FAM20A: variants seen among roughly 807,000 people sequenced by gnomAD.
The protein encoded by FAM20A is pseudokinase FAM20A.
A neutral mutation model predicts 52.0 loss-of-function variants in FAM20A; 42 were observed. That is an observed-to-expected ratio of 0.81 (90% confidence interval 0.63 to 1.04). The LOEUF is 1.04. FAM20A is among the 50% of genes least tolerant of loss of function. The pLI is 0.00. For missense variants in FAM20A, 742 were observed against 712.7 expected (o/e 1.04, Z -0.47); for synonymous variants, 304 against 298.9 (o/e 1.02, Z -0.18).
intron 4 of FAM20A, among the ~76,000 whole-genome samples, chr17:68,547,678 G>A (rs1382811433): frequency 6.6e-6 from 1 of 152,210 alleles, no homozygotes; most frequent in Non-Finnish European, 1.5e-5. Flanking sequence ...TTAGAACCCT[G>A]CTCTGGATTA....
rs759103163 is a variant in FAM20A, at chr17:68,600,501, C to T, written c.166G>A (p.Asp56Asn). The change falls in exon 1 of 11, where the codon GAC becomes AAC. Residue 56 changes from aspartate (D) to asparagine (N), a missense_variant. Coordinates refer to ENST00000592554, the MANE Select transcript of FAM20A (RefSeq NM_017565.4). The surrounding 1 kb of genome is among the most constrained non-coding windows in gnomAD (Gnocchi z 6.2). ...GGGTCCGAGGCAGCTGCGGCCGAGT[C>T]CCGCGCCAGGGAGGAGGCGCGGCCG... is the stretch of plus-strand genomic sequence containing the variant. ...CTGRASSLAR[D>N]SAAAASDPGT... is the part of the protein sequence containing the mutation. 11 of 1,591,094 alleles carry T rather than the reference C, an allele frequency of 6.9e-6. No homozygotes were observed. The highest frequency in any genetic ancestry group is 9.4e-6 in the Non-Finnish European group (11 of 1,169,192).
At chr17:68,581,356 TTCTTTC>T (rs1220933258) in intron 1 of FAM20A, among the ~76,000 whole-genome samples, 94 of 112,904 alleles carry the variant, frequency 8.3e-4, no homozygotes, top group Non-Finnish European at 1.4e-3. Context: ...CAGTTTTTCT[TTCTTTC>T]TTTCTTTCTT....
intron 4 of FAM20A, 95 bp from the exon 5 acceptor site, chr17:68,543,816 G>A (rs757743891): frequency 1.5e-5 from 16 of 1,094,098 alleles, no homozygotes; most frequent in South Asian, 1.2e-4. Context: ...AAGGAAAACG[G>A]GCTTTTATGC....
chr17:68,548,969 T>C lies in FAM20A; in HGVS notation c.719+2904A>G, dbSNP rs1009732220. 2.6e-5 allele frequency among the ~76,000 whole-genome samples: 4 copies of C among 151,866 alleles called. No homozygotes were observed. The East Asian group carries it at 7.9e-4, about 30-fold the overall frequency. ...GGATGGTCTTGATCTCCTGACCTCG[T>C]GATCTGCCCGCCTCAGCCTCCCAAA... On this transcript the variant is annotated intron_variant, in intron 4 of 10. Coordinates refer to ENST00000592554, the MANE Select transcript of FAM20A (RefSeq NM_017565.4).
At position 68,542,154 on chromosome 17, in the gene FAM20A, A is replaced by G. The variant is rs1364159236; in HGVS notation, c.940T>C (p.Cys314Arg). The G allele has an allele frequency of 6.2e-7, 1 of 1,613,836 alleles. No individual in the cohort carries two copies. ...VFFVSPASNV[C>R]FFAKCPYMCK... is the part of the protein sequence containing the mutation. ...ATGTATGGACACTTGGCGAAGAAGC[A>G]CACGTTGCTCGCTGGAGGATGGGGA... Residue 314 changes from cysteine (C) to arginine (R), a missense_variant, in exon 7 of 11, where the codon TGC becomes CGC. Transcript: ENST00000592554.
intron 1 of FAM20A, chr17:68,558,276 C>A: frequency 2.5e-6 from 1 of 397,396 alleles, no homozygotes. Context: ...AAAATGCAGC[C>A]AACCAACACC....
chr17:68,546,118 G>A (rs1425137749), intron 4 of FAM20A, among the ~76,000 whole-genome samples: 1 of 141,916 alleles, frequency 7.0e-6, no homozygotes, highest in Non-Finnish European at 1.5e-5. Flanking sequence ...GCAGTGAGCC[G>A]AGATTGTGCC....
chr17:68,595,526 C>G (rs887901983), intron 1 of FAM20A, among the ~76,000 whole-genome samples: 1 of 152,182 alleles, frequency 6.6e-6, no homozygotes, highest in East Asian at 1.9e-4. Context: ...CAGCAAGGCT[C>G]TAATTGGGAG....
chr17:68,543,745 C>T, intron 4 of FAM20A, 24 bp from the exon 5 acceptor site: 1 of 1,597,532 alleles, frequency 6.3e-7, no homozygotes, highest in Non-Finnish European at 8.6e-7. Context: ...AGGAATCACG[C>T]CCTGGACTCA....
At chr17:68,541,115 G>A (rs1023954149) in intron 7 of FAM20A, 157 bp from the exon 8 acceptor site, 24 of 1,031,612 alleles carry the variant, frequency 2.3e-5, no homozygotes, top group African/African-American at 1.1e-4. Context: ...GGGCAAGGAC[G>A]CGTAAGGCTG....
chr17:68,538,369 G>A (rs72847801), intron 10 of FAM20A, among the ~76,000 whole-genome samples: 22,348 of 152,252 alleles, frequency 0.15, 1,699 homozygotes, highest in South Asian at 0.2. Context: ...AGGGAAGCAT[G>A]TTTAAATTAA....
At chr17:68,539,310 CG>C in intron 10 of FAM20A, 26 bp downstream of exon 10, 1 of 1,613,058 alleles carries the variant, frequency 6.2e-7, no homozygotes, top group Non-Finnish European at 8.5e-7. Flanking sequence ...GTTACTTGCC[CG>C]TATTATCTGC....
chr17:68,554,859 CCA>C, intron 2 of FAM20A, 32 bp from the exon 3 acceptor site: 7 of 1,611,694 alleles, frequency 4.3e-6, no homozygotes, highest in Non-Finnish European at 5.9e-6. Flanking sequence ...ATGAGAACTT[CCA>C]GTCTTGTTCC....
At chr17:68,566,853 C>T (rs944156319) in intron 1 of FAM20A, among the ~76,000 whole-genome samples, 16 of 152,252 alleles carry the variant, frequency 1.1e-4, no homozygotes, top group South Asian at 6.2e-4. Context: ...TGAAAATAAA[C>T]GGTCAACATG....
At chr17:68,538,596 C>G (rs1047920502) in intron 10 of FAM20A, among the ~76,000 whole-genome samples, 1 of 152,330 alleles carries the variant, frequency 6.6e-6, no homozygotes, top group South Asian at 2.1e-4. Flanking sequence ...CAAGGGCCTT[C>G]GTGCCTTCTT....
At chr17:68,563,583 T>C (rs1228109026) in intron 1 of FAM20A, among the ~76,000 whole-genome samples, 1 of 151,798 alleles carries the variant, frequency 6.6e-6, no homozygotes, top group East Asian at 1.9e-4. Context: ...GGCTTTTTTT[T>C]TTCTTAAACA....
chr17:68,591,523 G>A (rs769965950), intron 1 of FAM20A, among the ~76,000 whole-genome samples: 1 of 152,192 alleles, frequency 6.6e-6, no homozygotes, highest in Non-Finnish European at 1.5e-5. Flanking sequence ...ACATGAAACC[G>A]CAGAATCCTG....
intron 4 of FAM20A, among the ~76,000 whole-genome samples, chr17:68,550,528 G>A (rs1277349453): frequency 1.3e-5 from 2 of 151,778 alleles, no homozygotes; most frequent in Non-Finnish European, 2.9e-5. Flanking sequence ...CTGCATACAC[G>A]CACCACCATA....
At chr17:68,581,353 T>TCTTTCTTTCTTA (rs1491507055) in intron 1 of FAM20A, among the ~76,000 whole-genome samples, 8 of 85,046 alleles carry the variant, frequency 9.4e-5, no homozygotes, top group African/African-American at 3.1e-4. Flanking sequence ...ATGCAGTTTT[T>TCTTTCTTTCTTA]CTTTCTTTCT....
Sources: gnomAD v4.1 joint callset for allele counts (sites outside exome capture counted in the v4.1 genomes callset) on GRCh38, gnomAD v4.1.1 for gene constraint, Gnocchi (gnomAD v3.1) non-coding constraint, MANE v1.5 for transcripts, NCBI Gene and HGNC (gene_info 2026-07-23, HGNC 2026-07-21) for gene names.